The following PROM2 variants were observed in gnomAD, a reference collection of about 807,000 sequenced individuals.
PROM2 encodes prominin 2, also known as prominin-2.
Under a neutral mutation model 110.2 loss-of-function variants are expected in PROM2, and 90 were observed. The ratio of observed to expected loss-of-function variants is 0.82; its 90% CI spans 0.69 to 0.97. PROM2 has a LOEUF of 0.97. PROM2 is among the 50% of genes least tolerant of loss of function. The pLI, the probability that PROM2 is intolerant of heterozygous loss-of-function variation, is 0.00. For synonymous variants in PROM2, 470 were observed against 467.8 expected, an observed-to-expected ratio of 1.00 and a Z score of -0.06; for missense variants, 1,009 against 1,074.8, an observed-to-expected ratio of 0.94 and a Z score of 0.86.
rs772420994 is a variant in PROM2 at position 95,286,518 on chromosome 2, C to T, written c.1987C>T (p.Gln663Ter). The T allele has an allele frequency of 1.2e-6, 2 of 1,613,846 alleles. No homozygotes were observed. The highest frequency in any genetic ancestry group is 1.7e-6 in the Non-Finnish European group (2 of 1,180,006). ...VLGQRLQEEAQGLRNLHQEKV... is the reference protein window; with the variant it reads ...VLGQRLQEEA ...GGGGCAGCGGCTGCAGGAGGAGGCC[C>T]AAGGACTCAGAAACCTTCACCAGGA... The change falls in exon 17 of 24, where the codon CAA becomes TAA. Residue 663 changes from glutamine (Q) to a stop codon, truncating the protein, a stop_gained. Transcript: ENST00000317620. LOFTEE classifies it high-confidence loss of function.
At chr2:95,277,818 T>G in intron 7 of PROM2, 112 bp from the exon 8 acceptor site, 2 of 947,070 alleles carry the variant, frequency 2.1e-6, no homozygotes, top group Non-Finnish European at 3.3e-6. Flanking sequence ...AGTCCTCATT[T>G]TACACTTGAG....
intron 8 of PROM2, chr2:95,278,410 G>A: frequency 1.8e-6 from 1 of 546,748 alleles, no homozygotes; most frequent in Non-Finnish European, 3.3e-6. Flanking sequence ...AGTCAGAGCT[G>A]AGGCTAGAAG....
rs971300577 is a variant in PROM2 at position 95,276,660 on chromosome 2, G to A, written c.682+3G>A. On this transcript the variant is annotated splice_donor_region_variant and intron_variant, in intron 5 of 23. Transcript: ENST00000317620. This position sits in a 1 kb window ranked among gnomAD's most constrained non-coding sequence, Gnocchi z 4.6. ...GCAAGTCTCAGAGGAGCTGGATGGT[G>A]AGGGTCTCGGGGACTGGCAGGTGGG... The A allele has an allele frequency of 3.7e-6, 6 of 1,612,674 alleles. No individual in the cohort carries two copies. Among genetic ancestry groups the A allele is most frequent in the Middle Eastern group, 2.0e-4 (1 of 5,082 alleles).
intron 22 of PROM2, 38 bp downstream of exon 22, chr2:95,288,627 C>T: frequency 1.3e-6 from 2 of 1,562,130 alleles, no homozygotes; most frequent in Non-Finnish European, 1.8e-6. Context: ...CATCAGGGGC[C>T]AGGGAGGTGT....
At chr2:95,287,914 T>C (rs183967660) in intron 20 of PROM2, among the ~76,000 whole-genome samples, 1 of 152,334 alleles carries the variant, frequency 6.6e-6, no homozygotes, top group Admixed American at 6.5e-5. Context: ...TGTGTATGCA[T>C]GCACACACAT....
chr2:95,279,818 G>A, intron 10 of PROM2, 27 bp from the exon 11 acceptor site: 1 of 1,393,696 alleles, frequency 7.2e-7, no homozygotes, highest in Non-Finnish European at 9.4e-7. Context: ...TCCTTTCTTA[G>A]TGACACCCAT....
rs764611513 is a variant in PROM2, at chr2:95,287,116, G to T, written c.2095-17G>T. ...CGTGAATGTGGGACACTGAGTTGAG[G>T]CTCTCGTCCCCTCCAGCTGGAGACC... On this transcript the variant is annotated splice_polypyrimidine_tract_variant and intron_variant, in intron 18 of 23. Coordinates refer to ENST00000317620, the MANE Select transcript of PROM2 (RefSeq NM_001165978.3). 1 of 1,610,210 alleles carries T rather than the reference G, an allele frequency of 6.2e-7. No individual in the cohort carries two copies.
intron 12 of PROM2, among the ~76,000 whole-genome samples, chr2:95,281,613 C>G (rs1677050880): frequency 6.6e-6 from 1 of 152,132 alleles, no homozygotes; most frequent in South Asian, 2.1e-4. Context: ...GGCACCCTGA[C>G]CCATTCCCTC....
Position 95,276,015 on chromosome 2 carries a change from T to TCTGCTG in PROM2, c.385_390dup (p.Cys129_Cys130dup), listed in dbSNP as rs1482547218. 5 of 1,611,748 alleles carry TCTGCTG rather than the reference T, an allele frequency of 3.1e-6. No individual in the cohort carries two copies. The South Asian group carries it at 5.5e-5, about 18-fold the overall frequency. ...CTGGTGCCCACTGCCGGGCTTTGCT[T>TCTGCTG]CTGCTGCTGCCGCTGCCACCGGCGC... On this transcript the variant is annotated inframe_insertion, in exon 3 of 24. Coordinates refer to ENST00000317620, the MANE Select transcript of PROM2 (RefSeq NM_001165978.3). This position sits in a 1 kb window ranked among gnomAD's most constrained non-coding sequence, Gnocchi z 4.6.
chr2:95,277,871 A>G, intron 7 of PROM2, 59 bp from the exon 8 acceptor site: 1 of 1,453,856 alleles, frequency 6.9e-7, no homozygotes, highest in Non-Finnish European at 9.6e-7. Flanking sequence ...ATCCACCCTC[A>G]GGGATCCCCT....
chr2:95,279,129 G>C lies in PROM2; in HGVS notation c.1259G>C (p.Arg420Thr). Residue 420 changes from arginine (R) to threonine (T), a missense_variant, in exon 10 of 24, where the codon AGA becomes ACA. Coordinates refer to ENST00000317620, the MANE Select transcript of PROM2 (RefSeq NM_001165978.3). ...SSRPYLQEVQ[R>T]YETYRWIVGC... ...CGCCCCTACCTGCAGGAGGTGCAGA[G>C]ATACGAGACCTACAGGTGCTGGGCA... The C allele has an allele frequency of 7.8e-7, 1 of 1,289,350 alleles. No individual in the cohort carries two copies. The highest frequency in any genetic ancestry group is 1.0e-6 in the Non-Finnish European group (1 of 993,124). 79.9% of individuals were successfully genotyped at this position (1,289,350 alleles called of 1,614,324 possible).
Position 95,276,891 on chromosome 2 carries a change from G to A in PROM2, c.683-81G>A. ...CCCCGGCTCCTGCAGAGCCCGGTGG[G>A]GCCTGGGGAGGCAGGATGGGAATGG... On this transcript the variant is annotated intron_variant, in intron 5 of 23. Coordinates refer to ENST00000317620, the MANE Select transcript of PROM2 (RefSeq NM_001165978.3). The surrounding 1 kb of genome is among the most constrained non-coding windows in gnomAD (Gnocchi z 4.6). 6.9e-7 allele frequency: 1 copy of A among 1,439,770 alleles called. No individual in the cohort carries two copies. 89.2% of individuals were successfully genotyped at this position (1,439,770 alleles called of 1,614,324 possible). A position where few individuals can be genotyped will look rare whatever the true frequency, so the allele number is the denominator to read the frequency against.
chr2:95,275,616 C>T lies in PROM2; in HGVS notation c.294+106C>T, dbSNP rs1204457263. The T allele has an allele frequency of 2.8e-6, 4 of 1,448,116 alleles. No individual in the cohort carries two copies. In the African/African-American group the frequency reaches 5.6e-5, roughly 20 times the overall value. The allele number at this position is 1,448,116 out of a possible 1,614,324, so 89.7% of individuals were successfully genotyped here. ...CTTAGCCCACCTCGCTGGGTGTCCA[C>T]TAGGCAGGGGCTCAGGCATCCTCTC... On this transcript the variant is annotated intron_variant, in intron 2 of 23. Coordinates refer to ENST00000317620, the MANE Select transcript of PROM2 (RefSeq NM_001165978.3). The surrounding 1 kb of genome is among the most constrained non-coding windows in gnomAD (Gnocchi z 4.4).
chr2:95,289,342 G>A lies in PROM2; in HGVS notation c.*129G>A, dbSNP rs966853836. 9 of 328,912 alleles carry A rather than the reference G, an allele frequency of 2.7e-5. No individual in the cohort carries two copies. Among genetic ancestry groups the A allele is most frequent in the Admixed American group, 1.3e-4 (3 of 22,950 alleles). The allele number at this position is 328,912 out of a possible 1,614,324, so 20.4% of individuals were successfully genotyped here. The stretch of plus-strand genomic sequence containing the variant: ...CCAGGCCTGGACTGTCCCCAGTTCC[G>A]GCTTACCTGGCCCCACCTTGCCTGC... On this transcript the variant is annotated 3_prime_UTR_variant, in exon 24 of 24. Coordinates refer to ENST00000317620, the MANE Select transcript of PROM2 (RefSeq NM_001165978.3).
At position 95,276,280 on chromosome 2, in the gene PROM2, G is replaced by A. The variant is rs1410882306; in HGVS notation, c.551G>A (p.Gly184Asp). The change falls in exon 4 of 24, where the codon GGC (glycine) becomes GAC (aspartate). Residue 184 changes from glycine (G) to aspartate (D), a missense_variant. Coordinates refer to ENST00000317620, the MANE Select transcript of PROM2 (RefSeq NM_001165978.3). This position sits in a 1 kb window ranked among gnomAD's most constrained non-coding sequence, Gnocchi z 4.6. The part of the protein sequence containing the change: ...VTNQRTHEQM[G>D]PSIEAMPETL... ...AACCAGCGCACGCATGAACAGATGGGCCCCAGCATCGAGGCCATGCCTGAG... is the reference window on the plus strand; with the variant it reads ...AACCAGCGCACGCATGAACAGATGGACCCCAGCATCGAGGCCATGCCTGAG... 5 of 1,613,890 alleles carry A rather than the reference G, an allele frequency of 3.1e-6. No individual in the cohort carries two copies. In the Admixed American group the frequency reaches 5.0e-5, roughly 16 times the overall value.
intron 20 of PROM2, among the ~76,000 whole-genome samples, chr2:95,287,817 T>G (rs1331260105): frequency 1.3e-5 from 2 of 152,246 alleles, no homozygotes; most frequent in Non-Finnish European, 2.9e-5. Context: ...ACACAGCCTC[T>G]GCAAGCTGTC....
intron 1 of PROM2, 53 bp downstream of exon 1, chr2:95,274,882 C>T: frequency 4.0e-6 from 6 of 1,494,242 alleles, no homozygotes; most frequent in Non-Finnish European, 4.5e-6. Context: ...CCCAGCCCGG[C>T]TTCCTCTGTC....
intron 15 of PROM2, 104 bp from the exon 16 acceptor site, chr2:95,285,535 A>G (rs567529849): frequency 1.2e-6 from 1 of 861,998 alleles, no homozygotes; most frequent in African/African-American, 1.7e-5. Context: ...TAGCTGGTGT[A>G]GGTTATATTT....
intron 8 of PROM2, chr2:95,278,439 C>T (rs1676809903): frequency 1.8e-6 from 1 of 569,342 alleles, no homozygotes; most frequent in Non-Finnish European, 3.2e-6. Context: ...GGAGCTGGAC[C>T]TTCAGGAGCT....
Sources: allele counts gnomAD v4.1 joint callset (sites outside exome capture counted in the v4.1 genomes callset), GRCh38; gene constraint gnomAD v4.1.1; non-coding constraint Gnocchi (gnomAD v3.1); transcripts MANE v1.5; gene names NCBI Gene and HGNC (gene_info 2026-07-23, HGNC 2026-07-21).